ZC3H12B: variants seen among roughly 807,000 people sequenced by gnomAD.
The protein encoded by ZC3H12B is probable ribonuclease ZC3H12B.
ZC3H12B carries 7 observed loss-of-function variants against 43.9 expected under a neutral mutation model. That is an observed-to-expected ratio of 0.16 (90% CI 0.09 to 0.30). The LOEUF is 0.30. ZC3H12B is among the 10% of genes least tolerant of loss of function. ZC3H12B has a pLI of 1.00. For missense variants in ZC3H12B, 475 were observed against 670.2 expected, an observed-to-expected ratio of 0.71 and a Z score of 3.22; for synonymous variants, 222 against 241.7, an observed-to-expected ratio of 0.92 and a Z score of 0.76.
chrX:65,501,713 AGATT>A (rs2068369142), intron 4 of ZC3H12B, 72 bp from the exon 10 acceptor site: 5 of 999,483 alleles, frequency 5.0e-6, no homozygotes, highest in African/African-American at 2.0e-5. Flanking sequence ...CTGAGTGACC[AGATT>A]GTTACAACAG....
chrX:65,097,848 A>G, the ZC3H12B span, among the ~76,000 whole-genome samples: 2 of 111,659 alleles, frequency 1.8e-5, no homozygotes, highest in Non-Finnish European at 3.8e-5. Context: ...GCATCTTTGT[A>G]ACCCTTATGT....
intron 2 of ZC3H12B, among the ~76,000 whole-genome samples, chrX:65,390,179 T>C (rs1489983705): frequency 9.0e-6 from 1 of 110,676 alleles, no homozygotes; most frequent in Non-Finnish European, 1.9e-5. Context: ...ACACTGCATG[T>C]TCTCACTCAT....
At chrX:65,125,649 G>C in the ZC3H12B span, among the ~76,000 whole-genome samples, 14 of 110,799 alleles carry the variant, frequency 1.3e-4, no homozygotes, top group Non-Finnish European at 2.5e-4. Context: ...TTATGAATTT[G>C]GGAGCTCCAG....
upstream of ZC3H12B, among the ~76,000 whole-genome samples, chrX:65,485,412 C>T (rs1346642892): frequency 8.9e-6 from 1 of 111,761 alleles, no homozygotes; most frequent in East Asian, 2.8e-4. Flanking sequence ...TGCCACCATG[C>T]CTGACTAATT....
chrX:65,108,486 G>T, the ZC3H12B span, among the ~76,000 whole-genome samples: 5 of 109,427 alleles, frequency 4.6e-5, no homozygotes, highest in Non-Finnish European at 7.6e-5. Context: ...GCAGGGCCAG[G>T]ATCATCAATA....
At chrX:65,197,167 G>T in the ZC3H12B span, among the ~76,000 whole-genome samples, 2 of 112,000 alleles carry the variant, frequency 1.8e-5, no homozygotes, top group Non-Finnish European at 1.9e-5. Context: ...CAGCAGAGGC[G>T]TGCACTACAG....
the ZC3H12B span, among the ~76,000 whole-genome samples, chrX:65,195,121 C>G: frequency 9.3e-6 from 1 of 107,884 alleles, no homozygotes; most frequent in Non-Finnish European, 1.9e-5. Flanking sequence ...CATTCAGCCA[C>G]TCTGTCTTTT....
Position 65,477,814 on chromosome X carries a change from CCT to C in ZC3H12B, n.408-10829_408-10828del, listed in dbSNP as rs1491156201. ...AAAGTTGGAAAAACTCAAAAACATT[CCT>C]CTGTGTGTGTGTGTGTGTGTGTGTG... On this transcript the variant is annotated intron_variant and non_coding_transcript_variant, in intron 3 of 5. Coordinates refer to the ZC3H12B transcript ENST00000617377. 8.6e-5 allele frequency among the ~76,000 whole-genome samples: 8 copies of C among 93,154 alleles called. No individual in the cohort carries two copies. In the East Asian group the frequency reaches 1.3e-3, roughly 15 times the overall value. 80.9% of individuals were successfully genotyped at this position (93,154 alleles called of 115,157 possible). A position where few individuals can be genotyped will look rare whatever the true frequency, so the allele number is the denominator to read the frequency against.
the ZC3H12B span, among the ~76,000 whole-genome samples, chrX:65,141,695 T>C: frequency 1.8e-5 from 2 of 110,409 alleles, no homozygotes; most frequent in Non-Finnish European, 3.8e-5. Flanking sequence ...GTCCCCAACA[T>C]CCACTGTGTC....
intron 3 of ZC3H12B, among the ~76,000 whole-genome samples, chrX:65,452,799 C>G (rs775239255): frequency 2.8e-5 from 3 of 107,490 alleles, no homozygotes; most frequent in African/African-American, 6.9e-5. Context: ...CAAGATAGTG[C>G]CATTGCATTC....
At chrX:65,056,771 C>T in the ZC3H12B span, among the ~76,000 whole-genome samples, 1 of 111,580 alleles carries the variant, frequency 9.0e-6, no homozygotes, top group Admixed American at 9.5e-5. Flanking sequence ...AATCTGGGTG[C>T]TCCTGTATTG....
At chrX:65,315,588 C>T in the ZC3H12B span, among the ~76,000 whole-genome samples, 3 of 111,235 alleles carry the variant, frequency 2.7e-5, no homozygotes, top group Non-Finnish European at 5.6e-5. Flanking sequence ...GAAATGAAGC[C>T]ATTTGAATGA....
the ZC3H12B span, among the ~76,000 whole-genome samples, chrX:65,231,432 C>T: frequency 9.0e-6 from 1 of 111,095 alleles, no homozygotes; most frequent in Non-Finnish European, 1.9e-5. Context: ...CTGGAATTTC[C>T]TAGTCCTAGT....
At chrX:65,346,002 A>C in the ZC3H12B span, among the ~76,000 whole-genome samples, 3 of 111,849 alleles carry the variant, frequency 2.7e-5, no homozygotes, top group Non-Finnish European at 5.6e-5. Context: ...TTCCCTGTTC[A>C]TGGACTGGAA....
At chrX:65,218,278 T>C in the ZC3H12B span, among the ~76,000 whole-genome samples, 1 of 112,001 alleles carries the variant, frequency 8.9e-6, no homozygotes, top group South Asian at 3.7e-4. Flanking sequence ...CTCCAAGAAT[T>C]ACCACACAAA....
the ZC3H12B span, among the ~76,000 whole-genome samples, chrX:65,092,364 G>T: frequency 1.8e-5 from 2 of 111,722 alleles, no homozygotes; most frequent in African/African-American, 3.3e-5. Context: ...AAGCAATTTT[G>T]GAACCTGGTA....
chrX:65,464,768 T>C (rs1355124122), intron 3 of ZC3H12B, among the ~76,000 whole-genome samples: 2 of 110,888 alleles, frequency 1.8e-5, no homozygotes, highest in African/African-American at 6.5e-5. Flanking sequence ...AACTTTTCTT[T>C]AAGCACTGTT....
At chrX:65,428,248 T>C (rs2067108465) in intron 3 of ZC3H12B, among the ~76,000 whole-genome samples, 1 of 111,649 alleles carries the variant, frequency 9.0e-6, no homozygotes, top group Non-Finnish European at 1.9e-5. Context: ...TTGGGATTGA[T>C]CTTTTTGTGG....
At chrX:65,199,952 C>T in the ZC3H12B span, among the ~76,000 whole-genome samples, 1 of 110,501 alleles carries the variant, frequency 9.0e-6, no homozygotes, top group Non-Finnish European at 1.9e-5. Flanking sequence ...TTATATTTCT[C>T]TGGGTATATA....
Sources: gnomAD v4.1 joint callset for allele counts (sites outside exome capture counted in the v4.1 genomes callset) on GRCh38, gnomAD v4.1.1 for gene constraint, MANE v1.5 for transcripts, NCBI Gene and HGNC (gene_info 2026-07-23, HGNC 2026-07-21) for gene names.